Variants in LARP4B observed in about 807,000 individuals in gnomAD.
LARP4B encodes la-related protein 4B.
LARP4B carries 12 observed loss-of-function variants against 89.8 expected under a neutral mutation model. That is an observed-to-expected ratio of 0.13 (90% CI 0.09 to 0.22). The LOEUF (loss-of-function observed/expected upper bound fraction) is 0.22. LARP4B is among the 10% of genes least tolerant of loss of function. The pLI, the probability that LARP4B is intolerant of heterozygous loss-of-function variation, is 1.00. For synonymous variants in LARP4B, 367 were observed against 363.3 expected (o/e 1.01, Z -0.12); for missense variants, 757 against 947.7 (o/e 0.80, Z 2.64).
At chr10:918,632 CAAAA>C (rs57396015) in intron 1 of LARP4B, among the ~76,000 whole-genome samples, 1 of 48,364 alleles carries the variant, frequency 2.1e-5, no homozygotes, top group Non-Finnish European at 4.2e-5. Context: ...GACCCTGTCT[CAAAA>C]AAAAAAAAAA....
At chr10:975,600 C>G in the LARP4B span, among the ~76,000 whole-genome samples, 1 of 152,240 alleles carries the variant, frequency 6.6e-6, no homozygotes, top group African/African-American at 2.4e-5. Flanking sequence ...TGAATGCACA[C>G]AGGTCTCTTG....
intron 3 of LARP4B, among the ~76,000 whole-genome samples, chr10:879,783 T>C (rs1835598525): frequency 6.7e-6 from 1 of 149,908 alleles, no homozygotes; most frequent in African/African-American, 2.5e-5. Flanking sequence ...TTTTCTTTTC[T>C]TTTTTTTGAG....
the LARP4B span, among the ~76,000 whole-genome samples, chr10:939,528 T>C: frequency 6.6e-6 from 1 of 152,234 alleles, no homozygotes; most frequent in East Asian, 1.9e-4. Context: ...CTAAGATGTC[T>C]GGGACTGCAG....
intron 1 of LARP4B, among the ~76,000 whole-genome samples, chr10:891,237 A>G (rs1181853469): frequency 6.6e-6 from 1 of 152,174 alleles, no homozygotes; most frequent in African/African-American, 2.4e-5. Context: ...GGGACCACCA[A>G]GGGATTCCAC....
intron 8 of LARP4B, among the ~76,000 whole-genome samples, chr10:835,609 C>T (rs1833171516): frequency 6.6e-6 from 1 of 152,218 alleles, no homozygotes; most frequent in Non-Finnish European, 1.5e-5. Context: ...GGCATCTGGA[C>T]AAACAGTAGA....
intron 1 of LARP4B, among the ~76,000 whole-genome samples, chr10:909,163 G>A (rs1419739437): frequency 1.3e-5 from 2 of 151,538 alleles, no homozygotes; most frequent in Non-Finnish European, 2.9e-5. Context: ...GCATGGTGGT[G>A]GGCACTTGTA....
At position 822,722 on chromosome 10, in the gene LARP4B, G is replaced by A. The variant is rs149153513; in HGVS notation, c.1485-1877C>T. On this transcript the variant is annotated intron_variant, in intron 13 of 17. Coordinates refer to ENST00000316157, the MANE Select transcript of LARP4B (RefSeq NM_015155.3). This position sits in a 1 kb window ranked among gnomAD's most constrained non-coding sequence, Gnocchi z 4.6. ...TAGAGGAAACATCACTGTGACACCC[G>A]CGACTCTGAATGCAGTGGTGTGAAG... is the stretch of plus-strand genomic sequence containing the variant. Among the ~76,000 whole-genome samples, 30 of 152,304 alleles carry A rather than the reference G, an allele frequency of 2.0e-4. No homozygotes were observed. Among genetic ancestry groups the A allele is most frequent in the Admixed American group, 7.8e-4 (12 of 15,298 alleles).
At chr10:941,132 G>T in the LARP4B span, among the ~76,000 whole-genome samples, 1 of 152,112 alleles carries the variant, frequency 6.6e-6, no homozygotes. Context: ...GGAGGAGGAC[G>T]GACATTTGCC....
the LARP4B span, among the ~76,000 whole-genome samples, chr10:969,447 A>C: frequency 6.6e-6 from 1 of 152,108 alleles, no homozygotes; most frequent in Non-Finnish European, 1.5e-5. Flanking sequence ...TTAGGAGAAA[A>C]GGCTCGGCAC....
intron 15 of LARP4B, among the ~76,000 whole-genome samples, chr10:816,664 T>A (rs1460356005): frequency 6.6e-6 from 1 of 152,216 alleles, no homozygotes; most frequent in Non-Finnish European, 1.5e-5. Context: ...TTAAACTGCA[T>A]TTCTTCTCAA....
chr10:960,241 G>A, the LARP4B span, among the ~76,000 whole-genome samples: 2 of 152,220 alleles, frequency 1.3e-5, no homozygotes, highest in African/African-American at 2.4e-5. Context: ...TGACAGAGGG[G>A]GAGGGATGAG....
At position 836,523 on chromosome 10, in the gene LARP4B, A is replaced by G; in HGVS notation, c.647-17T>C. 1 of 1,501,536 alleles carries G rather than the reference A, an allele frequency of 6.7e-7. No individual in the cohort carries two copies. The allele number at this position is 1,501,536 out of a possible 1,614,324, so 93.0% of individuals were successfully genotyped here. A position where few individuals can be genotyped will look rare whatever the true frequency, so the allele number is the denominator to read the frequency against. On this transcript the variant is annotated splice_polypyrimidine_tract_variant and intron_variant, in intron 7 of 17. Transcript: ENST00000316157. ...AAGGTAAAGCTACAAAGAGAAGAAAAATCAATGGTGAAACAAAAATATTAA... is the reference window on the plus strand; with the variant it reads ...AAGGTAAAGCTACAAAGAGAAGAAAGATCAATGGTGAAACAAAAATATTAA...
chr10:885,055 A>G (rs1835809879), intron 2 of LARP4B, among the ~76,000 whole-genome samples: 1 of 152,190 alleles, frequency 6.6e-6, no homozygotes, highest in African/African-American at 2.4e-5. Context: ...AATATGGCAC[A>G]TTGACATTTG....
At chr10:855,597 G>A (rs1834260680) in intron 5 of LARP4B, among the ~76,000 whole-genome samples, 1 of 151,952 alleles carries the variant, frequency 6.6e-6, no homozygotes, top group Middle Eastern at 3.2e-3. Flanking sequence ...CCAAAACAAT[G>A]GCAGTAGTAC....
chr10:900,381 A>T (rs1010549936), intron 1 of LARP4B, among the ~76,000 whole-genome samples: 3 of 146,798 alleles, frequency 2.0e-5, no homozygotes, highest in Non-Finnish European at 4.5e-5. Flanking sequence ...AATAATAAAA[A>T]GCACAGTCAT....
intron 1 of LARP4B, among the ~76,000 whole-genome samples, chr10:917,092 CATG>C (rs1308960739): frequency 1.3e-5 from 2 of 152,152 alleles, no homozygotes; most frequent in African/African-American, 4.8e-5. Flanking sequence ...CTGTTGTGTT[CATG>C]ATGATTGCTA....
the LARP4B span, among the ~76,000 whole-genome samples, chr10:980,026 A>G: frequency 8.5e-5 from 13 of 152,304 alleles, no homozygotes; most frequent in Admixed American, 4.6e-4. Flanking sequence ...TCCCATTCCA[A>G]AAGGGAGAAA....
chr10:817,266 G>A (rs1293449676), intron 15 of LARP4B, among the ~76,000 whole-genome samples: 1 of 152,206 alleles, frequency 6.6e-6, no homozygotes, highest in Non-Finnish European at 1.5e-5. Flanking sequence ...GGCACCTCGT[G>A]GGGCAGCCCA....
At chr10:883,109 T>C (rs571662835) in intron 3 of LARP4B, among the ~76,000 whole-genome samples, 1 of 152,362 alleles carries the variant, frequency 6.6e-6, no homozygotes, top group Admixed American at 6.5e-5. Flanking sequence ...CAGGAACTTG[T>C]TGAAGCAAAC....
Sources: gnomAD v4.1 joint callset for allele counts (sites outside exome capture counted in the v4.1 genomes callset) on GRCh38, gnomAD v4.1.1 for gene constraint, Gnocchi (gnomAD v3.1) non-coding constraint, MANE v1.5 for transcripts, NCBI Gene and HGNC (gene_info 2026-07-23, HGNC 2026-07-21) for gene names.